Variants in FYB1 observed in about 807,000 individuals in gnomAD.
FYB1 encodes FYN-binding protein 1.
A neutral mutation model predicts 94.1 loss-of-function variants in FYB1; 41 were observed. That is an observed-to-expected ratio of 0.44 (90% CI 0.34 to 0.57). The LOEUF is 0.57. FYB1 is among the 20% of genes least tolerant of loss of function. The pLI is 0.02. For synonymous variants in FYB1, 367 were observed against 353.2 expected, an observed-to-expected ratio of 1.04 and a Z score of -0.44; for missense variants, 1,050 against 976.8, an observed-to-expected ratio of 1.07 and a Z score of -1.00.
chr5:39,136,078 AT>A (rs1034300004), intron 7 of FYB1, among the ~76,000 whole-genome samples: 35 of 150,988 alleles, frequency 2.3e-4, no homozygotes, highest in South Asian at 4.2e-4. Flanking sequence ...GATTTTTGTT[AT>A]TTTTTTTTGA....
intron 3 of FYB1, among the ~76,000 whole-genome samples, chr5:39,143,222 T>C (rs67235772): frequency 0.26 from 39,656 of 151,908 alleles, 5,563 homozygotes; most frequent in African/African-American, 0.37. Flanking sequence ...GAAACTGAGG[T>C]TCCCTCCTTT....
At chr5:39,147,316 CT>C (rs1742747170) in intron 3 of FYB1, among the ~76,000 whole-genome samples, 1 of 151,760 alleles carries the variant, frequency 6.6e-6, no homozygotes, top group African/African-American at 2.4e-5. Context: ...GTCCCCCAGG[CT>C]GGAGTGTAGT....
At chr5:39,272,356 A>G (rs1274062314) in intron 1 of FYB1, among the ~76,000 whole-genome samples, 6 of 152,128 alleles carry the variant, frequency 3.9e-5, no homozygotes, top group Non-Finnish European at 1.5e-5. Context: ...TGTTTACCCC[A>G]TGTACTACAT....
chr5:39,206,703 C>T (rs1387471616), intron 1 of FYB1, among the ~76,000 whole-genome samples: 1 of 152,208 alleles, frequency 6.6e-6, no homozygotes, highest in Non-Finnish European at 1.5e-5. Context: ...TGATCTTCCT[C>T]AAATAATAAA....
At chr5:39,120,974 T>A (rs555002780) in intron 14 of FYB1, among the ~76,000 whole-genome samples, 14 of 151,952 alleles carry the variant, frequency 9.2e-5, no homozygotes, top group Non-Finnish European at 1.9e-4. Flanking sequence ...TTTAAAAAAA[T>A]TTATTGAAAT....
chr5:39,233,633 T>C (rs1054187420), intron 1 of FYB1, among the ~76,000 whole-genome samples: 8 of 152,076 alleles, frequency 5.3e-5, no homozygotes, highest in African/African-American at 1.9e-4. Context: ...AAACTTTTAG[T>C]GAGAGGCTTG....
intron 1 of FYB1, among the ~76,000 whole-genome samples, chr5:39,208,010 G>A (rs1283954696): frequency 6.6e-6 from 1 of 152,172 alleles, no homozygotes; most frequent in Non-Finnish European, 1.5e-5. Flanking sequence ...AACTTACCAG[G>A]AAGTCTGCTT....
rs138777506 is a variant in FYB1 at position 39,207,323 on chromosome 5, T to C, written c.-27-4336A>G. Among the ~76,000 whole-genome samples, 517 of 152,354 alleles carry C rather than the reference T, an allele frequency of 3.4e-3. 3 individuals carry two copies. Among genetic ancestry groups the C allele is most frequent in the African/African-American group, 0.012 (485 of 41,584 alleles). Reference sequence around the variant, plus strand: ...GATTTAATAGTAGAAAATCTCTTCATAGAAATTAATTTCCTTTAGCCCCCA... The same window carrying C: ...GATTTAATAGTAGAAAATCTCTTCACAGAAATTAATTTCCTTTAGCCCCCA... On this transcript the variant is annotated intron_variant, in intron 1 of 18. Coordinates refer to ENST00000512982, the MANE Select transcript of FYB1 (RefSeq NM_001465.6).
At chr5:39,261,720 C>A (rs1287697821) in intron 1 of FYB1, among the ~76,000 whole-genome samples, 1 of 151,958 alleles carries the variant, frequency 6.6e-6, no homozygotes, top group African/African-American at 2.4e-5. Flanking sequence ...GCCCTCCAGC[C>A]TGGGCAACAA....
At chr5:39,154,433 A>C (rs1021143335) in intron 2 of FYB1, among the ~76,000 whole-genome samples, 1 of 151,660 alleles carries the variant, frequency 6.6e-6, no homozygotes, top group Non-Finnish European at 1.5e-5. Context: ...TATCTTGACA[A>C]ACATTTTGTT....
At chr5:39,254,279 C>T (rs894223461) in intron 1 of FYB1, among the ~76,000 whole-genome samples, 2 of 152,124 alleles carry the variant, frequency 1.3e-5, no homozygotes, top group Non-Finnish European at 2.9e-5. Context: ...ATACTGTCTT[C>T]TACGATGGTT....
At chr5:39,245,615 T>TTTTTTTA (rs1751440350) in intron 1 of FYB1, among the ~76,000 whole-genome samples, 2 of 151,664 alleles carry the variant, frequency 1.3e-5, no homozygotes, top group Admixed American at 6.6e-5. Flanking sequence ...TTTTTTTTTT[T>TTTTTTTA]GAGACGGAAT....
At chr5:39,231,250 T>C (rs921574074) in intron 1 of FYB1, among the ~76,000 whole-genome samples, 6 of 151,590 alleles carry the variant, frequency 4.0e-5, no homozygotes, top group Non-Finnish European at 5.9e-5. Context: ...GGACAAGTCA[T>C]GTCCCCATTT....
At chr5:39,210,396 T>A (rs1445441617) in intron 1 of FYB1, among the ~76,000 whole-genome samples, 1 of 152,206 alleles carries the variant, frequency 6.6e-6, no homozygotes, top group East Asian at 1.9e-4. Flanking sequence ...TCCGGATCCT[T>A]CTCCTGTTTC....
intron 8 of FYB1, among the ~76,000 whole-genome samples, chr5:39,134,560 A>G (rs1431590076): frequency 6.6e-6 from 1 of 152,168 alleles, no homozygotes; most frequent in Non-Finnish European, 1.5e-5. Flanking sequence ...CCTACCTTCT[A>G]TTTTAAATAT....
chr5:39,256,614 G>A lies in FYB1; in HGVS notation c.-28+17789C>T, dbSNP rs146701969. Among the ~76,000 whole-genome samples, 723 of 152,150 alleles carry A rather than the reference G, an allele frequency of 4.8e-3. 6 individuals are homozygous for A. Among genetic ancestry groups the A allele is most frequent in the South Asian group, 0.031 (151 of 4,818 alleles). ...ACTTTGCTTAGAAATCGGAAGCTACGACGATTTCACCCTCACAGTCTTTTT... is the reference window on the plus strand; with the variant it reads ...ACTTTGCTTAGAAATCGGAAGCTACAACGATTTCACCCTCACAGTCTTTTT... On this transcript the variant is annotated intron_variant, in intron 1 of 1. Transcript: ENST00000510188.
chr5:39,200,986 T>G (rs1474451822), intron 2 of FYB1, among the ~76,000 whole-genome samples: 1 of 152,208 alleles, frequency 6.6e-6, no homozygotes, highest in African/African-American at 2.4e-5. Flanking sequence ...CAGTGATATC[T>G]CTGGTAGAAA....
Position 39,135,004 on chromosome 5 carries a change from G to A in FYB1, c.1526C>T (p.Pro509Leu). Reference sequence around the variant, plus strand: ...TTTTGCAAGATGGATGACTTGAATAGGGCCTGTTAGCTGCAAAGAGAAAAA... The same window carrying A: ...TTTTGCAAGATGGATGACTTGAATAAGGCCTGTTAGCTGCAAAGAGAAAAA... ...EIKKKFKLTG[P>L]IQVIHLAKAC... is the part of the protein sequence containing the mutation. Residue 509 changes from proline to leucine, a missense_variant, in exon 8 of 19, where the codon CCT becomes CTT. Pro to Leu is a moderately conservative substitution (Grantham distance 98). Coordinates refer to ENST00000512982, the MANE Select transcript of FYB1 (RefSeq NM_001465.6). 6.2e-7 allele frequency: 1 copy of A among 1,613,030 alleles called. No individual in the cohort carries two copies. The highest frequency in any genetic ancestry group is 2.2e-5 in the East Asian group (1 of 44,870).
intron 2 of FYB1, among the ~76,000 whole-genome samples, chr5:39,167,721 A>C (rs1444142727): frequency 1.3e-5 from 2 of 152,218 alleles, no homozygotes; most frequent in Non-Finnish European, 2.9e-5. Flanking sequence ...AGAGATCTAA[A>C]AGTAGAATTG....
Sources: gnomAD v4.1 joint callset for allele counts (sites outside exome capture counted in the v4.1 genomes callset) on GRCh38, gnomAD v4.1.1 for gene constraint, MANE v1.5 for transcripts, NCBI Gene and HGNC (gene_info 2026-07-23, HGNC 2026-07-21) for gene names.